ANO3: variants seen among roughly 807,000 people sequenced by gnomAD.
ANO3 encodes anoctamin 3, also known as anoctamin-3.
A neutral mutation model predicts 144.8 loss-of-function variants in ANO3; 99 were observed. The ratio of observed to expected loss-of-function variants is 0.68; its 90% confidence interval spans 0.58 to 0.81. ANO3 has a LOEUF of 0.81. ANO3 is among the 30% of genes least tolerant of loss of function. The pLI is 0.00. For synonymous variants in ANO3, 414 were observed against 392.6 expected (o/e 1.05, Z -0.64); for missense variants, 905 against 1,202.2 (o/e 0.75, Z 3.66).
chr11:26,454,046 A>AT (rs1476588257), intron 3 of ANO3, among the ~76,000 whole-genome samples: 1 of 152,188 alleles, frequency 6.6e-6, no homozygotes, highest in Non-Finnish European at 1.5e-5. Context: ...AAGACACAAC[A>AT]TACCAGAATC....
chr11:26,234,390 T>C (rs79545903), intron 1 of ANO3, among the ~76,000 whole-genome samples: 2,309 of 152,312 alleles, frequency 0.015, 49 homozygotes, highest in East Asian at 0.12. Flanking sequence ...GTCTGAACAT[T>C]TAGGCACAAA....
chr11:26,461,801 G>T (rs1181909509), intron 3 of ANO3, among the ~76,000 whole-genome samples: 1 of 152,016 alleles, frequency 6.6e-6, no homozygotes, highest in Non-Finnish European at 1.5e-5. Context: ...ATTATTAAAT[G>T]TAGGAAGAAA....
chr11:26,347,473 A>T (rs1351554648), intron 1 of ANO3, among the ~76,000 whole-genome samples: 1 of 152,238 alleles, frequency 6.6e-6, no homozygotes, highest in Non-Finnish European at 1.5e-5. Context: ...CTCTGAGACA[A>T]GACCAGACTT....
At chr11:26,401,507 G>A (rs147675802) in intron 1 of ANO3, among the ~76,000 whole-genome samples, 1,755 of 152,126 alleles carry the variant, frequency 0.012, 17 homozygotes, top group Non-Finnish European at 0.018. Context: ...GTGTCCAAGC[G>A]AGAAGTTGGA....
chr11:26,500,059 T>C (rs1420403253), intron 4 of ANO3, among the ~76,000 whole-genome samples: 3 of 152,066 alleles, frequency 2.0e-5, no homozygotes, highest in East Asian at 1.9e-4. Context: ...TGGAATTATA[T>C]AATTGTGTAT....
intron 4 of ANO3, among the ~76,000 whole-genome samples, chr11:26,501,648 A>G (rs374957452): frequency 2.6e-5 from 4 of 152,318 alleles, no homozygotes; most frequent in African/African-American, 9.6e-5. Flanking sequence ...CATAAATTGG[A>G]TCAGGGCCTT....
At chr11:26,362,472 TG>T (rs1003507581) in intron 1 of ANO3, among the ~76,000 whole-genome samples, 1 of 152,194 alleles carries the variant, frequency 6.6e-6, no homozygotes, top group African/African-American at 2.4e-5. Flanking sequence ...GGATGACCTA[TG>T]GCAAGTAAAG....
chr11:26,335,988 G>A lies in ANO3; in HGVS notation c.46+3667G>A, dbSNP rs565245484. Among the ~76,000 whole-genome samples, 10 of 152,316 alleles carry A rather than the reference G, an allele frequency of 6.6e-5. No individual in the cohort carries two copies. The South Asian group carries it at 2.1e-3, about 32-fold the overall frequency. Reference sequence around the variant, plus strand: ...AAGTGAGACATCTGTGCAGTGGTGGGGAGGGGGAGGCAGTCTGCTTATTTT... The same window carrying A: ...AAGTGAGACATCTGTGCAGTGGTGGAGAGGGGGAGGCAGTCTGCTTATTTT... On this transcript the variant is annotated intron_variant, in intron 1 of 26. Transcript: ENST00000256737.
chr11:26,515,232 T>C (rs562678278), intron 5 of ANO3, among the ~76,000 whole-genome samples: 1 of 152,168 alleles, frequency 6.6e-6, no homozygotes, highest in East Asian at 1.9e-4. Flanking sequence ...CATCTTAAGC[T>C]ATTTTCCCAT....
intron 7 of ANO3, among the ~76,000 whole-genome samples, chr11:26,529,853 A>G (rs1429761564): frequency 6.6e-6 from 1 of 152,112 alleles, no homozygotes; most frequent in Non-Finnish European, 1.5e-5. Flanking sequence ...CCATAATAGA[A>G]CTAGTTTATG....
At chr11:26,418,629 T>C (rs1413002811) in intron 1 of ANO3, among the ~76,000 whole-genome samples, 2 of 152,090 alleles carry the variant, frequency 1.3e-5, no homozygotes, top group Non-Finnish European at 2.9e-5. Context: ...ACCACATTTG[T>C]TCTCATTGGG....
At chr11:26,195,520 A>G (rs1172089259) in intron 1 of ANO3, among the ~76,000 whole-genome samples, 1 of 152,224 alleles carries the variant, frequency 6.6e-6, no homozygotes, top group Non-Finnish European at 1.5e-5. Context: ...GCATTAAAGG[A>G]GGAAACGGAG....
intron 4 of ANO3, among the ~76,000 whole-genome samples, chr11:26,491,799 C>A (rs1860720350): frequency 6.6e-6 from 1 of 152,076 alleles, no homozygotes; most frequent in East Asian, 1.9e-4. Flanking sequence ...CCATTTTCTA[C>A]AAAACAGCAC....
chr11:26,201,067 T>G (rs1166399719), intron 1 of ANO3, among the ~76,000 whole-genome samples: 1 of 152,146 alleles, frequency 6.6e-6, no homozygotes, highest in African/African-American at 2.4e-5. Context: ...AAATCACAAA[T>G]GCAGAAATTT....
chr11:26,378,441 T>TCAC (rs1380408111), intron 1 of ANO3, among the ~76,000 whole-genome samples: 2 of 147,084 alleles, frequency 1.4e-5, no homozygotes, highest in East Asian at 4.0e-4. Context: ...CTATCATCTA[T>TCAC]CTATCTATCT....
intron 13 of ANO3, among the ~76,000 whole-genome samples, chr11:26,554,910 T>C (rs779521188): frequency 6.6e-6 from 1 of 152,188 alleles, no homozygotes; most frequent in Non-Finnish European, 1.5e-5. Context: ...TTATACATTT[T>C]GTGCATTTTG....
intron 1 of ANO3, among the ~76,000 whole-genome samples, chr11:26,366,792 G>C (rs529717780): frequency 6.9e-6 from 1 of 144,120 alleles, no homozygotes; most frequent in Non-Finnish European, 1.5e-5. Context: ...AGAAATGTCT[G>C]TTCATATCCT....
intron 1 of ANO3, among the ~76,000 whole-genome samples, chr11:26,332,991 TC>T (rs753750530): frequency 4.6e-5 from 7 of 152,318 alleles, no homozygotes; most frequent in Admixed American, 2.0e-4. Flanking sequence ...CACTCTTTGA[TC>T]TTTGTTTCTT....
chr11:26,420,251 T>G (rs1461362), intron 1 of ANO3, among the ~76,000 whole-genome samples: 13,788 of 152,046 alleles, frequency 0.091, 1,271 homozygotes, highest in African/African-American at 0.24. Context: ...GTACTTACAG[T>G]ATATGGAAAA....
Sources: allele counts gnomAD v4.1 joint callset (sites outside exome capture counted in the v4.1 genomes callset), GRCh38; gene constraint gnomAD v4.1.1; transcripts MANE v1.5; gene names NCBI Gene and HGNC (gene_info 2026-07-23, HGNC 2026-07-21).